CC2D2A: variants seen among roughly 807,000 people sequenced by gnomAD.
The protein encoded by CC2D2A is coiled-coil and C2 domain-containing protein 2A.
CC2D2A carries 155 observed loss-of-function variants against 212.9 expected under a neutral mutation model. The observed-to-expected ratio is 0.73, with a 90% CI of 0.64 to 0.83. CC2D2A has a LOEUF of 0.83. CC2D2A is among the 40% of genes least tolerant of loss of function. The pLI, the probability that CC2D2A is intolerant of heterozygous loss-of-function variation, is 0.00. For synonymous variants in CC2D2A, 667 were observed against 686.5 expected (o/e 0.97, Z 0.44); for missense variants, 1,856 against 1,956.2 (o/e 0.95, Z 0.97).
chr4:15,591,770 G>C (rs1416924788), intron 33 of CC2D2A, among the ~76,000 whole-genome samples: 1 of 152,166 alleles, frequency 6.6e-6, no homozygotes, highest in Non-Finnish European at 1.5e-5. Flanking sequence ...TAGTAATCAA[G>C]CAGGGTTAAC....
intron 5 of CC2D2A, 80 bp from the exon 6 acceptor site, chr4:15,502,742 A>G: frequency 8.0e-7 from 1 of 1,245,842 alleles, no homozygotes; most frequent in Non-Finnish European, 1.1e-6. Flanking sequence ...CCCTTAAAGA[A>G]GGATAGCATG....
chr4:15,473,231 A>C (rs1203946374), intron 1 of CC2D2A: 1 of 152,214 alleles, frequency 6.6e-6, no homozygotes, highest in Non-Finnish European at 1.5e-5. Flanking sequence ...GCTATATTCT[A>C]ATGGATATGG....
At chr4:15,516,132 C>A in intron 10 of CC2D2A, 128 bp downstream of exon 10, 9 of 926,366 alleles carry the variant, frequency 9.7e-6, no homozygotes, top group Non-Finnish European at 1.2e-5. Flanking sequence ...GAAAGTGGTT[C>A]ATTTTTTTTT....
At chr4:15,568,496 G>A (rs937447242) in intron 26 of CC2D2A, among the ~76,000 whole-genome samples, 2 of 152,214 alleles carry the variant, frequency 1.3e-5, no homozygotes, top group African/African-American at 4.8e-5. Flanking sequence ...GCTGAGGCAG[G>A]AGAATTACTT....
rs1386474099 is a variant in CC2D2A at position 15,538,144 on chromosome 4, G to T, written c.2003+7G>T. 1.3e-6 allele frequency: 2 copies of T among 1,544,666 alleles called. No homozygotes were observed. Among genetic ancestry groups the T allele is most frequent in the East Asian group, 2.3e-5 (1 of 42,610 alleles). On this transcript the variant is annotated splice_region_variant and intron_variant, in intron 16 of 36. Transcript: ENST00000424120. ...CCAATGACCAGTGCCCCAGGTGAGTGGATGCTCCGACCGTAAATGAGGCTG... is the reference window on the plus strand; with the variant it reads ...CCAATGACCAGTGCCCCAGGTGAGTTGATGCTCCGACCGTAAATGAGGCTG...
chr4:15,576,156 T>C (rs192774254), intron 29 of CC2D2A, among the ~76,000 whole-genome samples: 3 of 152,328 alleles, frequency 2.0e-5, no homozygotes, highest in Non-Finnish European at 2.9e-5. Context: ...ACCTCTAAAA[T>C]GAGGGCTTAA....
At chr4:15,568,411 C>T (rs554394115) in intron 26 of CC2D2A, among the ~76,000 whole-genome samples, 185 of 152,280 alleles carry the variant, frequency 1.2e-3, no homozygotes, top group Middle Eastern at 6.8e-3. Context: ...GCCTGTAATC[C>T]CAGCACTTTG....
chr4:15,584,364 G>T (rs563724764), intron 30 of CC2D2A, among the ~76,000 whole-genome samples: 30 of 152,234 alleles, frequency 2.0e-4, no homozygotes, highest in Middle Eastern at 3.4e-3. Flanking sequence ...ACAGCCAACT[G>T]ATTTTTGACT....
chr4:15,502,574 G>A (rs1716022388), intron 5 of CC2D2A, 57 bp downstream of exon 5: 1 of 1,445,244 alleles, frequency 6.9e-7, no homozygotes, highest in African/African-American at 1.4e-5. Flanking sequence ...TCCAGGGCTT[G>A]TCTAGCTTAC....
intron 32 of CC2D2A, 79 bp from the exon 33 acceptor site, chr4:15,589,466 T>C: frequency 8.1e-7 from 1 of 1,227,470 alleles, no homozygotes; most frequent in Admixed American, 2.1e-5. Flanking sequence ...AGTAAAATAA[T>C]GAATTGTCTG....
At chr4:15,586,061 ATGTT>A (rs1340084650) in intron 30 of CC2D2A, 92 bp from the exon 31 acceptor site, 9 of 803,574 alleles carry the variant, frequency 1.1e-5, no homozygotes, top group Non-Finnish European at 1.9e-5. Flanking sequence ...GTACATGTAA[ATGTT>A]TGTAATATTT....
intron 17 of CC2D2A, among the ~76,000 whole-genome samples, chr4:15,550,340 T>C (rs1365510701): frequency 1.3e-5 from 2 of 152,202 alleles, no homozygotes; most frequent in African/African-American, 4.8e-5. Flanking sequence ...AAGAACTTGA[T>C]AGATTTACTA....
At chr4:15,519,282 C>T in intron 11 of CC2D2A, 1 of 387,832 alleles carries the variant, frequency 2.6e-6, no homozygotes. Flanking sequence ...GTCACATTTG[C>T]TCCAGTTCCC....
At chr4:15,538,631 A>C (rs1718263099) in intron 16 of CC2D2A, among the ~76,000 whole-genome samples, 1 of 152,168 alleles carries the variant, frequency 6.6e-6, no homozygotes, top group Admixed American at 6.5e-5. Context: ...GGTGGTATTT[A>C]AGTCAGGCCA....
chr4:15,510,064 G>C, intron 6 of CC2D2A, 75 bp from the exon 7 acceptor site: 2 of 1,121,272 alleles, frequency 1.8e-6, no homozygotes, highest in Non-Finnish European at 2.7e-6. Context: ...GGATGGGGGG[G>C]TTAACCTTCA....
intron 30 of CC2D2A, among the ~76,000 whole-genome samples, chr4:15,584,757 G>A (rs55931907): frequency 0.015 from 2,334 of 152,042 alleles, 32 homozygotes; most frequent in Non-Finnish European, 0.024. Context: ...GTCTAACAAG[G>A]GGTTAAAATC....
intron 4 of CC2D2A, among the ~76,000 whole-genome samples, chr4:15,500,107 G>GTGTATATATATA (rs1479141284): frequency 8.0e-5 from 9 of 112,946 alleles, no homozygotes; most frequent in Admixed American, 5.5e-4. Flanking sequence ...GTGTGTGTGT[G>GTGTATATATATA]TATATATATA....
chr4:15,569,856 T>C (rs750070964), intron 27 of CC2D2A, among the ~76,000 whole-genome samples: 8 of 152,180 alleles, frequency 5.3e-5, no homozygotes, highest in Non-Finnish European at 1.0e-4. Flanking sequence ...TTAGTAAATA[T>C]TATCAGTCTG....
At chr4:15,597,360 A>C (rs1577404482) in intron 34 of CC2D2A, 47 bp from the exon 35 acceptor site, 1 of 1,307,618 alleles carries the variant, frequency 7.6e-7, no homozygotes, top group Non-Finnish European at 1.1e-6. Flanking sequence ...TGTTCAAATT[A>C]ACTGTAGGTG....
Sources: gnomAD v4.1 joint callset for allele counts (sites outside exome capture counted in the v4.1 genomes callset) on GRCh38, gnomAD v4.1.1 for gene constraint, MANE v1.5 for transcripts, NCBI Gene and HGNC (gene_info 2026-07-23, HGNC 2026-07-21) for gene names.